The following DDX46 variants were observed in gnomAD, a reference collection of about 807,000 sequenced individuals.
DDX46 encodes DEAD-box helicase 46, also known as probable ATP-dependent RNA helicase DDX46.
Under a neutral mutation model 134.9 loss-of-function variants are expected in DDX46, and 30 were observed. That is an observed-to-expected ratio of 0.22 (90% CI 0.17 to 0.30). DDX46 has a LOEUF of 0.30. Ranked by LOEUF, DDX46 falls within the 10% of genes least tolerant of loss-of-function variation. The pLI is 1.00. For synonymous variants in DDX46, 415 were observed against 404.1 expected (o/e 1.03, Z -0.32); for missense variants, 622 against 1,248.7 (o/e 0.50, Z 7.56).
chr5:134,788,133 A>G (rs921661655), intron 11 of DDX46, among the ~76,000 whole-genome samples: 13 of 151,948 alleles, frequency 8.6e-5, no homozygotes, highest in African/African-American at 2.4e-4. Flanking sequence ...TCACTTAGAA[A>G]TTTCTTTTTC....
chr5:134,804,373 A>C (rs1300273651), intron 15 of DDX46, among the ~76,000 whole-genome samples: 1 of 152,156 alleles, frequency 6.6e-6, no homozygotes, highest in African/African-American at 2.4e-5. Context: ...AAGATATGAC[A>C]CTCCAATTAT....
At chr5:134,769,844 G>A (rs1390011594) in intron 3 of DDX46, among the ~76,000 whole-genome samples, 2 of 152,068 alleles carry the variant, frequency 1.3e-5, no homozygotes, top group Non-Finnish European at 2.9e-5. Context: ...ACCGCGCCCG[G>A]CCGAGTTGGG....
chr5:134,800,766 C>G (rs1486723674), intron 15 of DDX46, among the ~76,000 whole-genome samples: 4 of 152,134 alleles, frequency 2.6e-5, no homozygotes, highest in Non-Finnish European at 5.9e-5. Flanking sequence ...ACCTCCGCCT[C>G]CCGGGTTCAA....
At chr5:134,790,811 T>C (rs1754478559) in intron 13 of DDX46, among the ~76,000 whole-genome samples, 1 of 152,158 alleles carries the variant, frequency 6.6e-6, no homozygotes, top group Non-Finnish European at 1.5e-5. Flanking sequence ...GGAGTGCTAA[T>C]AATAGAGCTT....
chr5:134,828,723 T>G lies in DDX46; in HGVS notation c.*17T>G. 1 of 1,492,630 alleles carries G rather than the reference T, an allele frequency of 6.7e-7. No individual in the cohort carries two copies. The highest frequency in any genetic ancestry group is 8.9e-7 in the Non-Finnish European group (1 of 1,122,484). 92.5% of individuals were successfully genotyped at this position (1,492,630 alleles called of 1,614,324 possible). On this transcript the variant is annotated 3_prime_UTR_variant, in exon 23 of 23. Transcript: ENST00000452510. ...GTCTTATAGACATCCGGAAAAAAGA[T>G]TTTTACCTGTGCTGGTCTATGATGT...
chr5:134,813,983 A>G (rs1755219970), intron 18 of DDX46, among the ~76,000 whole-genome samples: 1 of 152,144 alleles, frequency 6.6e-6, no homozygotes, highest in African/African-American at 2.4e-5. Context: ...AAAAAAGACT[A>G]TTAAATAATT....
chr5:134,816,635 A>G lies in DDX46; in HGVS notation c.2613+29A>G, dbSNP rs551287413. On this transcript the variant is annotated intron_variant, in intron 19 of 22. Transcript: ENST00000452510. ...AGTAATTTGTTCCAAGTCTCAGTCA[A>G]TACTTTTAAGAAGTTCTTTGATTTT... The G allele has an allele frequency of 3.4e-5, 54 of 1,599,184 alleles. No homozygotes were observed. In the East Asian group the frequency reaches 5.6e-4, roughly 17 times the overall value.
chr5:134,777,170 A>G (rs976531745), intron 5 of DDX46, among the ~76,000 whole-genome samples: 2 of 152,136 alleles, frequency 1.3e-5, no homozygotes, highest in Admixed American at 1.3e-4. Flanking sequence ...GTGAGCTGAG[A>G]TTGTGCCACT....
intron 11 of DDX46, among the ~76,000 whole-genome samples, chr5:134,787,009 A>G (rs916621516): frequency 5.3e-5 from 8 of 151,762 alleles, no homozygotes; most frequent in Admixed American, 2.6e-4. Flanking sequence ...TGCATCCTTG[A>G]CCTCCTGGGC....
chr5:134,801,565 T>C (rs568813935), intron 15 of DDX46, among the ~76,000 whole-genome samples: 6 of 152,130 alleles, frequency 3.9e-5, no homozygotes, highest in East Asian at 1.9e-4. Flanking sequence ...GCCCAACTAA[T>C]TTTTTTATAT....
chr5:134,770,005 G>A (rs189547037), intron 3 of DDX46, among the ~76,000 whole-genome samples: 22 of 152,182 alleles, frequency 1.4e-4, no homozygotes, highest in Non-Finnish European at 1.5e-5. Context: ...TTGACTCTTA[G>A]AAGTTTATTT....
intron 11 of DDX46, among the ~76,000 whole-genome samples, chr5:134,786,030 G>C (rs1166335818): frequency 1.3e-5 from 2 of 151,974 alleles, no homozygotes; most frequent in East Asian, 3.9e-4. Flanking sequence ...TGTATTTTTA[G>C]TAGAGACGGG....
chr5:134,788,581 C>T lies in DDX46; in HGVS notation c.1533C>T (p.Ala511=), dbSNP rs565612143. The change falls in exon 12 of 23, where the codon GCC becomes GCT. Residue 511 remains alanine, a synonymous_variant. Transcript: ENST00000452510. ...CTPGRMIDML[A]ANSGRVTNLR... is the part of the protein sequence containing the mutation. ...CTGGTCGAATGATTGACATGTTAGCCGCTAACAGTGGTAAGTCAGGGGTAT... is the reference window on the plus strand; with the variant it reads ...CTGGTCGAATGATTGACATGTTAGCTGCTAACAGTGGTAAGTCAGGGGTAT... 3.5e-5 allele frequency: 56 copies of T among 1,613,516 alleles called. No individual in the cohort carries two copies. Among genetic ancestry groups the T allele is most frequent in the East Asian group, 1.3e-4 (6 of 44,862 alleles).
chr5:134,786,476 G>A (rs533221619), intron 11 of DDX46, among the ~76,000 whole-genome samples: 57 of 152,044 alleles, frequency 3.7e-4, no homozygotes, highest in African/African-American at 1.2e-3. Context: ...AGGTTAATAC[G>A]TTCTAGAGTT....
Position 134,829,861 on chromosome 5 carries a change from G to C in DDX46, c.*1155G>C, listed in dbSNP as rs1048184625. The C allele has an allele frequency of 6.6e-6, 1 of 151,878 alleles. No individual in the cohort carries two copies. Among genetic ancestry groups the C allele is most frequent in the Non-Finnish European group, 1.5e-5 (1 of 68,006 alleles). The allele number at this position is 151,878 out of a possible 1,614,324, so 9.4% of individuals were successfully genotyped here. On this transcript the variant is annotated 3_prime_UTR_variant, in exon 23 of 23. Coordinates refer to ENST00000452510, the MANE Select transcript of DDX46 (RefSeq NM_001300860.2). ...TAATCCCAGCTACTCAGGAGGCTGA[G>C]GCAGAAGAATCTGAGCCAAGATAAC...
At chr5:134,827,102 C>T in intron 22 of DDX46, 82 bp downstream of exon 22, 2 of 1,343,204 alleles carry the variant, frequency 1.5e-6, no homozygotes, top group Non-Finnish European at 2.1e-6. Context: ...GTACTCAAAT[C>T]ATAAACATAT....
At chr5:134,781,085 C>A in intron 6 of DDX46, 48 bp from the exon 7 acceptor site, 1 of 1,355,906 alleles carries the variant, frequency 7.4e-7, no homozygotes, top group Non-Finnish European at 1.0e-6. Context: ...AGTCATATAA[C>A]TTGTGTTTCA....
rs917389788 is a variant in DDX46, at chr5:134,758,884, TCCGGTTCG to T, written c.-52_-45del. On this transcript the variant is annotated 5_prime_UTR_variant, in exon 1 of 23. Coordinates refer to ENST00000452510, the MANE Select transcript of DDX46 (RefSeq NM_001300860.2). ...GAGGGCAGCTCAGCCTCCTTGTTTG[TCCGGTTCG>T]CCTGTGCGTGGTACTCAAGGGCACC... The T allele has an allele frequency of 1.2e-6, 2 of 1,613,642 alleles. No homozygotes were observed. The highest frequency in any genetic ancestry group is 2.7e-5 in the African/African-American group (2 of 74,912).
At chr5:134,776,349 G>A (rs1753936329) in intron 5 of DDX46, among the ~76,000 whole-genome samples, 1 of 151,736 alleles carries the variant, frequency 6.6e-6, no homozygotes, top group Non-Finnish European at 1.5e-5. Flanking sequence ...AGCCGAGATG[G>A]TGCCACTGCA....
Sources: allele counts gnomAD v4.1 joint callset (sites outside exome capture counted in the v4.1 genomes callset), GRCh38; gene constraint gnomAD v4.1.1; transcripts MANE v1.5; gene names NCBI Gene and HGNC (gene_info 2026-07-23, HGNC 2026-07-21).